The following KRT24 variants were observed in gnomAD, a reference collection of about 807,000 sequenced individuals.
KRT24 encodes keratin 24, also known as keratin, type I cytoskeletal 24.
KRT24 carries 44 observed loss-of-function variants against 51.7 expected under a neutral mutation model. The observed-to-expected ratio is 0.85, with a 90% CI of 0.67 to 1.09. The LOEUF (loss-of-function observed/expected upper bound fraction) is 1.09, where lower values mean the gene tolerates loss of function less well. Among genes scored for constraint, KRT24 ranks in the 50% least tolerant of loss-of-function variants. The probability of loss-of-function intolerance (pLI) is 0.00; values close to 1 mark genes in which losing one functional copy is unlikely to be tolerated. For missense variants in KRT24, 633 were observed against 647.0 expected (o/e 0.98, Z 0.24); for synonymous variants, 241 against 249.5 (o/e 0.97, Z 0.32).
Position 40,703,354 on chromosome 17 carries a change from C to A in KRT24, c.340G>T (p.Gly114Cys), listed in dbSNP as rs1169538106. ...GFCGSSRFSS[G>C]ATGGFYSYGG... ...TAGCTGTAGAAGCCTCCAGTAGCACCACTGCTGAATCTAGAACTCCCACAG... is the reference window on the plus strand; with the variant it reads ...TAGCTGTAGAAGCCTCCAGTAGCACAACTGCTGAATCTAGAACTCCCACAG... The change falls in exon 1 of 8, where the codon GGT becomes TGT. Residue 114 changes from glycine (G) to cysteine (C), a missense_variant. Coordinates refer to ENST00000264651, the MANE Select transcript of KRT24 (RefSeq NM_019016.3). 2.5e-6 allele frequency: 4 copies of A among 1,613,966 alleles called. No homozygotes were observed. The highest frequency in any genetic ancestry group is 2.5e-6 in the Non-Finnish European group (3 of 1,179,980).
At chr17:40,702,956 C>G in intron 1 of KRT24, 123 bp downstream of exon 1, 1 of 984,464 alleles carries the variant, frequency 1.0e-6, no homozygotes, top group Non-Finnish European at 1.4e-6. Context: ...TCAGGTCCCA[C>G]TTTGCATATG....
At chr17:40,700,195 C>G (rs768158213) in intron 4 of KRT24, 27 bp downstream of exon 4, 3 of 1,613,952 alleles carry the variant, frequency 1.9e-6, no homozygotes. Context: ...TGGCTACTGG[C>G]TTAGGTGCTC....
At chr17:40,702,118 G>A (rs1169615302) in intron 1 of KRT24, among the ~76,000 whole-genome samples, 185 bp from the exon 2 acceptor site, 10 of 151,796 alleles carry the variant, frequency 6.6e-5, no homozygotes, top group Admixed American at 6.6e-4. Flanking sequence ...TGCAACCTCC[G>A]CCTCCCATGT....
rs754038118 is a variant in KRT24 at position 40,698,612 on chromosome 17, C to A, written c.1400G>T (p.Gly467Val). The change falls in exon 7 of 8, where the codon GGA becomes GTA. Residue 467 changes from glycine to valine, a missense_variant. By Grantham distance (109) the Gly-to-Val change is moderately radical (BLOSUM62 -3). Transcript: ENST00000264651. Reference protein sequence around the residue: ...SFAEFGGRNSGSVNMGSRDLV... With the variant: ...SFAEFGGRNSVSVNMGSRDLV... ...ATCCCTGGATCCCATGTTTACAGAT[C>A]CTGAGTTTCTACCACCAAATTCTGC... is the stretch of plus-strand genomic sequence containing the variant. 6.2e-7 allele frequency: 1 copy of A among 1,611,726 alleles called. No homozygotes were observed. The highest frequency in any genetic ancestry group is 8.5e-7 in the Non-Finnish European group (1 of 1,177,922).
intron 1 of KRT24, 97 bp from the exon 2 acceptor site, chr17:40,702,030 C>CTT: frequency 2.0e-6 from 1 of 502,144 alleles, no homozygotes; most frequent in South Asian, 3.4e-5. Context: ...GTTATTAGCT[C>CTT]TTTTTTTTGT....
chr17:40,702,820 T>G (rs1452939546), intron 1 of KRT24, among the ~76,000 whole-genome samples: 1 of 152,174 alleles, frequency 6.6e-6, no homozygotes, highest in Non-Finnish European at 1.5e-5. Flanking sequence ...TTCTTATATA[T>G]AAATGATAAT....
chr17:40,700,213 A>T lies in KRT24; in HGVS notation c.1017+9T>A, dbSNP rs373782671. 1.2e-4 allele frequency: 187 copies of T among 1,613,804 alleles called. No homozygotes were observed. The highest frequency in any genetic ancestry group is 1.4e-4 in the Non-Finnish European group (171 of 1,179,946). ...CTACTGGCTTAGGTGCTCAGCAGAG[A>T]GGATCTACCTGCTTGTTGAACCGCT... On this transcript the variant is annotated intron_variant, in intron 4 of 7. Coordinates refer to ENST00000264651, the MANE Select transcript of KRT24 (RefSeq NM_019016.3).
At chr17:40,698,408 A>G (rs2037632923) in intron 7 of KRT24, 68 bp from the exon 8 acceptor site, 6 of 1,171,916 alleles carry the variant, frequency 5.1e-6, no homozygotes, top group Non-Finnish European at 7.7e-6. Context: ...GAGAAATTCA[A>G]TCACATGCAT....
chr17:40,702,287 C>T (rs1481946101), intron 1 of KRT24, among the ~76,000 whole-genome samples: 15 of 151,884 alleles, frequency 9.9e-5, no homozygotes, highest in Admixed American at 9.2e-4. Context: ...GTGATTTGCC[C>T]GCCTCAGCCT....
chr17:40,698,536 A>G lies in KRT24; in HGVS notation c.1474+2T>C, dbSNP rs1207943480. 1.3e-5 allele frequency: 20 copies of G among 1,550,700 alleles called. No individual in the cohort carries two copies. In the East Asian group the frequency reaches 4.3e-4, roughly 33 times the overall value. ...CTATTATCAATATTAAAAAAAGTCT[A>G]CCTCGTCCTTGACCAGAACAGCTTC... On this transcript the variant is annotated splice_donor_variant, in intron 7 of 7. Transcript: ENST00000264651. LOFTEE classifies it high-confidence loss of function.
rs76253297 is a variant in KRT24, at chr17:40,701,149, G to T, written c.846C>A (p.Asn282Lys). ...FTEELAYLRK[N>K]HEEEMKNMQG... ...TAGAACATGTTCCTACCTCCTCGTG[G>T]TTCTTCCTCAGGTAGGCTAGCTCCT... Residue 282 changes from asparagine to lysine, a missense_variant, in exon 3 of 8, where the codon AAC (asparagine) becomes AAA (lysine). Transcript: ENST00000264651. The T allele has an allele frequency of 6.2e-7, 1 of 1,613,704 alleles. No individual in the cohort carries two copies.
In KRT24 at chr17:40,700,266, C is replaced by G. The variant is rs1165644996; in HGVS notation, c.973G>C (p.Ala325Pro). The G allele has an allele frequency of 6.2e-7, 1 of 1,614,096 alleles. No individual in the cohort carries two copies. ...TCAGCCTCTCGGCGGTTTTGCTCAG[C>G]CAGCTCCTCGTACTGCGCCCTCATG... ...NDMRAQYEELAEQNRREAEER... is the reference protein window; with the variant it reads ...NDMRAQYEELPEQNRREAEER... Residue 325 changes from alanine to proline, a missense_variant, in exon 4 of 8, where the codon GCT becomes CCT. Coordinates refer to ENST00000264651, the MANE Select transcript of KRT24 (RefSeq NM_019016.3).
In KRT24 at chr17:40,703,615, A is replaced by G; in HGVS notation, c.79T>C (p.Phe27Leu). The G allele has an allele frequency of 6.2e-7, 1 of 1,612,170 alleles. No individual in the cohort carries two copies. Among genetic ancestry groups the G allele is most frequent in the Non-Finnish European group, 8.5e-7 (1 of 1,179,302 alleles). The change falls in exon 1 of 8, where the codon TTC becomes CTC. Residue 27 changes from phenylalanine to leucine, a missense_variant. Coordinates refer to ENST00000264651, the MANE Select transcript of KRT24 (RefSeq NM_019016.3). ...AGACCACATCTGCTTCCACTGCTGAAGCTGCTTCCACCAGCAGACACCCTG... is the reference window on the plus strand; with the variant it reads ...AGACCACATCTGCTTCCACTGCTGAGGCTGCTTCCACCAGCAGACACCCTG... ...SARVSAGGSS[F>L]SSGSRCGLGG...
At chr17:40,699,694 G>C in intron 5 of KRT24, 33 bp from the exon 6 acceptor site, 1 of 1,570,236 alleles carries the variant, frequency 6.4e-7, no homozygotes, top group Non-Finnish European at 8.8e-7. Flanking sequence ...AATTCATGAT[G>C]AAAATAAATC....
chr17:40,698,285 C>T lies in KRT24; in HGVS notation c.1530G>A (p.Lys510=). The T allele has an allele frequency of 6.2e-7, 1 of 1,613,740 alleles. No homozygotes were observed. ...TACTGCTGACTTGAGACGAGACAACCTTGCCATCCACCAACTCCTCTACGA... is the reference window on the plus strand; with the variant it reads ...TACTGCTGACTTGAGACGAGACAACTTTGCCATCCACCAACTCCTCTACGA... ...KTIVEELVDG[K]VVSSQVSSIS... The change falls in exon 8 of 8, where the codon AAG becomes AAA. Residue 510 remains lysine, a synonymous_variant. Coordinates refer to ENST00000264651, the MANE Select transcript of KRT24 (RefSeq NM_019016.3).
rs777339833 is a variant in KRT24 at position 40,703,463 on chromosome 17, A to G, written c.231T>C (p.Phe77=). ...GFGSCSVGGG[F]GGASGSGTGF... The stretch of plus-strand genomic sequence containing the variant: ...CTGTCCCAGAGCCTGAAGCTCCCCC[A>G]AAACCACCCCCTACTGAGCAGCTAC... The change falls in exon 1 of 8, where the codon TTT becomes TTC. Residue 77 remains phenylalanine (F), a synonymous_variant. Transcript: ENST00000264651. The G allele has an allele frequency of 6.7e-6, 8 of 1,190,502 alleles. No individual in the cohort carries two copies. The highest frequency in any genetic ancestry group is 9.4e-6 in the Non-Finnish European group (8 of 846,902). 73.7% of individuals were successfully genotyped at this position (1,190,502 alleles called of 1,614,324 possible).
intron 3 of KRT24, 71 bp downstream of exon 3, chr17:40,701,069 A>G: frequency 1.3e-6 from 2 of 1,498,262 alleles, no homozygotes; most frequent in Non-Finnish European, 1.8e-6. Flanking sequence ...AGCCAATTTT[A>G]TTTGTATAGA....
intron 5 of KRT24, 106 bp downstream of exon 5, chr17:40,699,892 C>T (rs1278425065): frequency 1.4e-5 from 20 of 1,388,840 alleles, no homozygotes; most frequent in Non-Finnish European, 1.9e-5. Flanking sequence ...ATGCAGTTCT[C>T]CTTAACACTG....
In KRT24 at chr17:40,702,030, CT is replaced by C. The variant is rs200809201; in HGVS notation, c.616-98del. 4.1e-3 allele frequency: 2,077 copies of C among 501,776 alleles called. 48 individuals carry two copies. The highest frequency in any genetic ancestry group is 0.036 in the African/African-American group (1,820 of 50,850). The allele number at this position is 501,776 out of a possible 1,614,324, so 31.1% of individuals were successfully genotyped here. On this transcript the variant is annotated intron_variant, in intron 1 of 7. Coordinates refer to ENST00000264651, the MANE Select transcript of KRT24 (RefSeq NM_019016.3). ...GTAGCTGTTGCCTGTGTTATTAGCT[CT>C]TTTTTTTGTGTGTGTGTAGAGACAG...
Sources: allele counts gnomAD v4.1 joint callset (sites outside exome capture counted in the v4.1 genomes callset), GRCh38; gene constraint gnomAD v4.1.1; transcripts MANE v1.5; gene names NCBI Gene and HGNC (gene_info 2026-07-23, HGNC 2026-07-21).